The following THEMIS variants were observed in gnomAD, a reference collection of about 807,000 sequenced individuals.
The protein encoded by THEMIS is thymocyte selection associated.
Under a neutral mutation model 52.6 loss-of-function variants are expected in THEMIS, and 37 were observed. That is an observed-to-expected ratio of 0.70 (90% CI 0.54 to 0.93). The LOEUF is 0.93. Among genes scored for constraint, THEMIS ranks in the 40% least tolerant of loss-of-function variants. The pLI is 0.00. For missense variants in THEMIS, 808 were observed against 763.1 expected (o/e 1.06, Z -0.69); for synonymous variants, 292 against 272.7 (o/e 1.07, Z -0.70).
upstream of THEMIS, among the ~76,000 whole-genome samples, chr6:127,905,903 T>C (rs1335287576): frequency 6.6e-6 from 1 of 151,452 alleles, no homozygotes; most frequent in African/African-American, 2.4e-5. Context: ...GCAAACATTA[T>C]GATGGTATAC....
chr6:127,826,157 G>A (rs961242300), intron 3 of THEMIS, among the ~76,000 whole-genome samples: 1 of 152,164 alleles, frequency 6.6e-6, no homozygotes, highest in Admixed American at 6.5e-5. Flanking sequence ...CCAGAAAGTA[G>A]GGGAAAAATA....
intron 3 of THEMIS, among the ~76,000 whole-genome samples, chr6:127,824,873 G>T (rs893486390): frequency 1.3e-5 from 2 of 151,970 alleles, no homozygotes; most frequent in African/African-American, 2.4e-5. Flanking sequence ...TGCAGTGAGC[G>T]GAGATTGCGC....
downstream of THEMIS, among the ~76,000 whole-genome samples, chr6:127,705,229 T>C (rs1583181286): frequency 2.0e-5 from 3 of 152,312 alleles, no homozygotes; most frequent in African/African-American, 7.2e-5. Flanking sequence ...ATATAGCAAA[T>C]TGGTGTTCAT....
chr6:127,796,724 C>T lies in THEMIS; in HGVS notation c.1758+16159G>A, dbSNP rs546570902. Among the ~76,000 whole-genome samples, 45 of 152,212 alleles carry T rather than the reference C, an allele frequency of 3.0e-4. 1 individual carries two copies. The highest frequency in any genetic ancestry group is 1.7e-3 in the South Asian group (8 of 4,816). The stretch of plus-strand genomic sequence containing the variant: ...ACAGAAACACTAATATGTATAGACA[C>T]GCACACATAAATACATGGGTATATA... On this transcript the variant is annotated intron_variant, in intron 4 of 5. Transcript: ENST00000368248.
chr6:127,904,495 C>T (rs1311622664), upstream of THEMIS, among the ~76,000 whole-genome samples: 2 of 152,182 alleles, frequency 1.3e-5, no homozygotes, highest in African/African-American at 4.8e-5. Context: ...AGCTCAATCC[C>T]TCATTGGATT....
intron 4 of THEMIS, among the ~76,000 whole-genome samples, chr6:127,765,480 T>C (rs181586333): frequency 2.0e-4 from 31 of 152,218 alleles, no homozygotes; most frequent in Admixed American, 2.0e-3. Flanking sequence ...TTATTGCAAA[T>C]GAAGACTGTT....
At chr6:127,832,139 T>C (rs270002) in intron 2 of THEMIS, among the ~76,000 whole-genome samples, 112,389 of 152,070 alleles carry the variant, frequency 0.74, 43,230 homozygotes, top group East Asian at 1. Flanking sequence ...ATTAATTTGG[T>C]GTCATCTTTC....
upstream of THEMIS, among the ~76,000 whole-genome samples, chr6:127,903,165 A>T (rs552457639): frequency 1.2e-4 from 19 of 152,114 alleles, no homozygotes; most frequent in Admixed American, 1.1e-3. Context: ...GGCCCTATAG[A>T]TGGCAATACT....
chr6:127,802,843 T>C (rs1777581766), intron 4 of THEMIS, among the ~76,000 whole-genome samples: 1 of 152,140 alleles, frequency 6.6e-6, no homozygotes, highest in Non-Finnish European at 1.5e-5. Context: ...AACTGTGCAT[T>C]GTGGAAAGGG....
intron 1 of THEMIS, among the ~76,000 whole-genome samples, chr6:127,872,626 G>A (rs1780191793): frequency 6.6e-6 from 1 of 151,988 alleles, no homozygotes; most frequent in Admixed American, 6.6e-5. Flanking sequence ...AAATTGGTAA[G>A]GATAATCTAT....
At chr6:127,784,666 C>T (rs1776862554) in intron 4 of THEMIS, among the ~76,000 whole-genome samples, 1 of 152,102 alleles carries the variant, frequency 6.6e-6, no homozygotes, top group Non-Finnish European at 1.5e-5. Flanking sequence ...TTTTTAATGT[C>T]ATGGCTCTGA....
intron 1 of THEMIS, among the ~76,000 whole-genome samples, chr6:127,883,305 G>A (rs371370947): frequency 1.3e-5 from 2 of 151,654 alleles, no homozygotes; most frequent in South Asian, 2.1e-4. Context: ...CTATAGCAGA[G>A]GTTGGTGATA....
At chr6:127,734,168 T>C (rs1194864420) in intron 4 of THEMIS, among the ~76,000 whole-genome samples, 1 of 152,180 alleles carries the variant, frequency 6.6e-6, no homozygotes, top group Non-Finnish European at 1.5e-5. Context: ...AATTGCAACA[T>C]ATGCACATTA....
chr6:127,812,849 C>T (rs754553638), intron 4 of THEMIS, 34 bp downstream of exon 4: 22 of 1,531,428 alleles, frequency 1.4e-5, no homozygotes, highest in Non-Finnish European at 1.8e-5. Context: ...AAGGAACACA[C>T]TCCAGAGAAA....
chr6:127,874,445 C>G (rs140979291), intron 1 of THEMIS, among the ~76,000 whole-genome samples: 3 of 151,936 alleles, frequency 2.0e-5, no homozygotes, highest in Non-Finnish European at 4.4e-5. Context: ...TGGTAGTATA[C>G]GATAAAATAG....
At chr6:127,745,819 T>C (rs1562230197) in intron 4 of THEMIS, among the ~76,000 whole-genome samples, 1 of 151,914 alleles carries the variant, frequency 6.6e-6, no homozygotes, top group African/African-American at 2.4e-5. Context: ...ACAGAATATG[T>C]GCACTCACAA....
intron 3 of THEMIS, among the ~76,000 whole-genome samples, chr6:127,822,845 C>A (rs186625044): frequency 3.9e-5 from 6 of 152,102 alleles, no homozygotes; most frequent in Admixed American, 3.9e-4. Flanking sequence ...CTGAGAATTC[C>A]CAGAGAAAAG....
At chr6:127,866,663 T>C (rs1339352728) in intron 1 of THEMIS, among the ~76,000 whole-genome samples, 2 of 151,978 alleles carry the variant, frequency 1.3e-5, no homozygotes, top group African/African-American at 4.8e-5. Flanking sequence ...AGAGATATAA[T>C]ATTTAAAAAT....
chr6:127,769,727 C>A (rs1233228064), intron 4 of THEMIS, among the ~76,000 whole-genome samples: 1 of 152,038 alleles, frequency 6.6e-6, no homozygotes, highest in Non-Finnish European at 1.5e-5. Context: ...TTTGCTGCAC[C>A]CATTAAGCTG....
Sources: allele counts gnomAD v4.1 joint callset (sites outside exome capture counted in the v4.1 genomes callset), GRCh38; gene constraint gnomAD v4.1.1; transcripts MANE v1.5; gene names NCBI Gene and HGNC (gene_info 2026-07-23, HGNC 2026-07-21).